Variants in GSTA4 observed in about 807,000 individuals in gnomAD.
GSTA4 encodes the protein glutathione S-transferase alpha 4, also known as glutathione S-transferase A4.
GSTA4 carries 15 observed loss-of-function variants against 24.4 expected under a neutral mutation model. The ratio of observed to expected loss-of-function variants is 0.61; its 90% CI spans 0.41 to 0.95. The LOEUF is 0.95. GSTA4 is among the 40% of genes least tolerant of loss of function. The probability of loss-of-function intolerance (pLI) is 0.00; values close to 1 mark genes in which losing one functional copy is unlikely to be tolerated. For synonymous variants in GSTA4, 92 were observed against 94.2 expected (o/e 0.98, Z 0.13); for missense variants, 244 against 262.1 (o/e 0.93, Z 0.48).
intron 5 of GSTA4, among the ~76,000 whole-genome samples, chr6:52,983,796 C>T (rs930852746): frequency 1.3e-5 from 2 of 152,164 alleles, no homozygotes; most frequent in Non-Finnish European, 2.9e-5. Flanking sequence ...ACCATAAAAC[C>T]TAGCTACAGA....
intron 2 of GSTA4, chr6:52,993,946 T>C: frequency 1.5e-6 from 1 of 657,234 alleles, no homozygotes; most frequent in South Asian, 1.5e-5. Context: ...AAGCCAATAA[T>C]TAAGTAAAAG....
At chr6:52,981,468 A>T (rs1351808731) in intron 6 of GSTA4, among the ~76,000 whole-genome samples, 1 of 152,262 alleles carries the variant, frequency 6.6e-6, no homozygotes, top group Admixed American at 6.5e-5. Flanking sequence ...TCTGCTGTAG[A>T]AAAACAAAAG....
intron 3 of GSTA4, 98 bp from the exon 4 acceptor site, chr6:52,985,681 G>T: frequency 8.2e-7 from 1 of 1,221,096 alleles, no homozygotes; most frequent in Non-Finnish European, 1.2e-6. Context: ...GTGGAATCAT[G>T]GCCTTAGGAA....
intron 2 of GSTA4, among the ~76,000 whole-genome samples, chr6:52,989,700 C>A (rs1201039184): frequency 6.6e-6 from 1 of 152,004 alleles, no homozygotes; most frequent in Non-Finnish European, 1.5e-5. Context: ...ATGCTCGAAG[C>A]CTAGATGGTC....
chr6:52,984,682 G>GATTT, intron 4 of GSTA4, 77 bp from the exon 5 acceptor site: 1 of 954,932 alleles, frequency 1.0e-6, no homozygotes, highest in Non-Finnish European at 1.5e-6. Context: ...AATTCAGAGT[G>GATTT]CTTTTTTTTT....
In GSTA4 at chr6:52,994,240, C is replaced by T; in HGVS notation, c.4G>A (p.Ala2Thr). 1 of 1,607,152 alleles carries T rather than the reference C, an allele frequency of 6.2e-7. No individual in the cohort carries two copies. Among genetic ancestry groups the T allele is most frequent in the South Asian group, 1.1e-5 (1 of 90,948 alleles). The change falls in exon 2 of 7, where the codon GCA (alanine) becomes ACA (threonine). Residue 2 changes from alanine (A) to threonine (T), a missense_variant. Physicochemically the swap from Ala to Thr is moderately conservative, Grantham distance 58. Coordinates refer to ENST00000370963, the MANE Select transcript of GSTA4 (RefSeq NM_001512.4). ...GGATAGTGGAGCTTGGGCCTTGCTGCCATGATAGCTTTTCAGGCTTTCTGA... is the reference window on the plus strand; with the variant it reads ...GGATAGTGGAGCTTGGGCCTTGCTGTCATGATAGCTTTTCAGGCTTTCTGA... M[A>T]ARPKLHYPNG... is the part of the protein sequence containing the mutation.
At chr6:52,993,011 G>C (rs1763693180) in intron 2 of GSTA4, among the ~76,000 whole-genome samples, 1 of 152,196 alleles carries the variant, frequency 6.6e-6, no homozygotes, top group Non-Finnish European at 1.5e-5. Context: ...GCTGAGGCAG[G>C]GGAATTGCTT....
intron 6 of GSTA4, among the ~76,000 whole-genome samples, chr6:52,980,040 A>C (rs1167240029): frequency 1.3e-5 from 2 of 152,224 alleles, no homozygotes; most frequent in Admixed American, 1.3e-4. Flanking sequence ...GTTTTAAAAT[A>C]TTGATGCTCA....
At chr6:52,984,329 A>G (rs1763508958) in intron 5 of GSTA4, 135 bp downstream of exon 5, 5 of 745,974 alleles carry the variant, frequency 6.7e-6, no homozygotes, top group Non-Finnish European at 8.8e-6. Flanking sequence ...ATTCGCTCTT[A>G]GGAGTCCATT....
At chr6:52,979,774 A>C (rs1028982448) in intron 6 of GSTA4, among the ~76,000 whole-genome samples, 2 of 152,162 alleles carry the variant, frequency 1.3e-5, no homozygotes, top group Admixed American at 1.3e-4. Context: ...AGTAACAAAA[A>C]CCCTAATAAT....
intron 5 of GSTA4, among the ~76,000 whole-genome samples, chr6:52,983,864 G>T (rs566194108): frequency 1.3e-5 from 2 of 152,270 alleles, no homozygotes; most frequent in South Asian, 4.1e-4. Context: ...ATGGTCAGAG[G>T]AAGCTTGCCA....
chr6:52,978,811 GC>G (rs1412332820), intron 6 of GSTA4, among the ~76,000 whole-genome samples: 2 of 151,688 alleles, frequency 1.3e-5, no homozygotes, highest in Non-Finnish European at 2.9e-5. Flanking sequence ...TAGCTAATGA[GC>G]TGAAAAAAAA....
chr6:52,986,405 A>G (rs1192482545), intron 3 of GSTA4, among the ~76,000 whole-genome samples: 1 of 152,206 alleles, frequency 6.6e-6, no homozygotes, highest in Non-Finnish European at 1.5e-5. Context: ...GAATCTGATC[A>G]TGAAACCTAA....
At chr6:52,989,261 C>T (rs866150699) in intron 2 of GSTA4, among the ~76,000 whole-genome samples, 2 of 152,158 alleles carry the variant, frequency 1.3e-5, no homozygotes, top group African/African-American at 2.4e-5. Context: ...AATGGGCAAC[C>T]AGCAGCCCTT....
Position 52,978,569 on chromosome 6 carries a change from A to G in GSTA4, c.570T>C (p.Asn190=), listed in dbSNP as rs1763388808. Reference sequence around the variant, plus strand: ...CAAGGAATCTCTTAATTGTAGGGATATTACTTAGTTTCACTGTGTATTCCT... The same window carrying G: ...CAAGGAATCTCTTAATTGTAGGGATGTTACTTAGTTTCACTGTGTATTCCT... ...FLQEYTVKLS[N]IPTIKRFLEP... The change falls in exon 7 of 7, where the codon AAT becomes AAC. Residue 190 remains asparagine (N), a synonymous_variant. Coordinates refer to ENST00000370963, the MANE Select transcript of GSTA4 (RefSeq NM_001512.4). 2 of 1,611,308 alleles carry G rather than the reference A, an allele frequency of 1.2e-6. No homozygotes were observed. Among genetic ancestry groups the G allele is most frequent in the Non-Finnish European group, 8.5e-7 (1 of 1,178,088 alleles).
chr6:52,990,722 C>G (rs1581914741), intron 2 of GSTA4, among the ~76,000 whole-genome samples: 2 of 152,204 alleles, frequency 1.3e-5, no homozygotes, highest in Admixed American at 1.3e-4. Flanking sequence ...CATTCAAAAC[C>G]TATGAAATAA....
intron 3 of GSTA4, among the ~76,000 whole-genome samples, chr6:52,986,242 A>AT (rs1763554478): frequency 6.6e-6 from 1 of 152,222 alleles, no homozygotes; most frequent in Non-Finnish European, 1.5e-5. Context: ...ATTAATTACA[A>AT]TTTTTAAAAC....
rs569857244 is a variant in GSTA4 at position 52,986,907 on chromosome 6, G to A, written c.139+450C>T. ...ACCAGGAATTAAAGGTGAAGGGAGG[G>A]GGCAGTTCGTTGATTTCACTTCTGT... On this transcript the variant is annotated intron_variant, in intron 3 of 6. Coordinates refer to ENST00000370963, the MANE Select transcript of GSTA4 (RefSeq NM_001512.4). 1.4e-4 allele frequency among the ~76,000 whole-genome samples: 21 copies of A among 152,264 alleles called. No homozygotes were observed. In the South Asian group the frequency reaches 4.4e-3, roughly 32 times the overall value.
At chr6:52,993,187 C>T (rs11967816) in intron 2 of GSTA4, among the ~76,000 whole-genome samples, 10,961 of 152,106 alleles carry the variant, frequency 0.072, 465 homozygotes, top group Non-Finnish European at 0.091. Flanking sequence ...ATGTTAATTT[C>T]GTAATATGAC....
Sources: gnomAD v4.1 joint callset for allele counts (sites outside exome capture counted in the v4.1 genomes callset) on GRCh38, gnomAD v4.1.1 for gene constraint, MANE v1.5 for transcripts, NCBI Gene and HGNC (gene_info 2026-07-23, HGNC 2026-07-21) for gene names.